Variants in KIRREL3 observed in about 807,000 individuals in gnomAD.
The protein encoded by KIRREL3 is kirre like nephrin family adhesion molecule 3, also known as kin of IRRE-like protein 3.
In KIRREL3, 36 loss-of-function variants were observed where a neutral mutation model predicts 89.7. The observed-to-expected ratio is 0.40, with a 90% CI of 0.31 to 0.53. The LOEUF is 0.53. Among genes scored for constraint, KIRREL3 ranks in the 20% least tolerant of loss-of-function variants. KIRREL3 has a pLI of 0.49. For synonymous variants in KIRREL3, 445 were observed against 441.4 expected (o/e 1.01, Z -0.10); for missense variants, 864 against 1,056.6 (o/e 0.82, Z 2.53).
chr11:126,746,180 C>T lies in KIRREL3; in HGVS notation c.56-183268G>A, dbSNP rs1467998320. 4.6e-5 allele frequency among the ~76,000 whole-genome samples: 7 copies of T among 152,248 alleles called. No individual in the cohort carries two copies. In the South Asian group the frequency reaches 1.0e-3, roughly 23 times the overall value. On this transcript the variant is annotated intron_variant, in intron 1 of 16. Transcript: ENST00000525144. ...CATTCCTTATTCTCTTTCACCTATC[C>T]GGCAATTTTGAAAAGAAATTTCTAT...
At chr11:126,863,501 G>GCGTGTGTGTT (rs1944799347) in intron 1 of KIRREL3, among the ~76,000 whole-genome samples, 1 of 148,346 alleles carries the variant, frequency 6.7e-6, no homozygotes. Context: ...GTGTGTGAGT[G>GCGTGTGTGTT]TGAGTGCGTG....
chr11:126,939,341 C>T (rs1380274700), intron 1 of KIRREL3, among the ~76,000 whole-genome samples: 1 of 152,164 alleles, frequency 6.6e-6, no homozygotes, highest in Non-Finnish European at 1.5e-5. Flanking sequence ...CTGTCCTCCC[C>T]CATCAAAGAC....
upstream of KIRREL3, among the ~76,000 whole-genome samples, chr11:127,002,143 T>A (rs1041047780): frequency 2.0e-5 from 3 of 152,214 alleles, no homozygotes; most frequent in African/African-American, 4.8e-5. Context: ...CCTTGGTATT[T>A]GTGAACAAGA....
At chr11:126,540,426 C>T (rs1365606251) in intron 2 of KIRREL3, among the ~76,000 whole-genome samples, 1 of 152,244 alleles carries the variant, frequency 6.6e-6, no homozygotes, top group Non-Finnish European at 1.5e-5. Context: ...TTCTCCCAGC[C>T]TCGCACTTCT....
At chr11:126,695,340 A>G (rs574418055) in intron 1 of KIRREL3, among the ~76,000 whole-genome samples, 28 of 144,258 alleles carry the variant, frequency 1.9e-4, no homozygotes, top group Non-Finnish European at 3.7e-4. Flanking sequence ...TTCCTGGCCC[A>G]GTGCTTTTCC....
chr11:126,468,668 C>G (rs569056022), intron 5 of KIRREL3, among the ~76,000 whole-genome samples: 1 of 152,356 alleles, frequency 6.6e-6, no homozygotes, highest in South Asian at 2.1e-4. Flanking sequence ...TGTATGACCC[C>G]TGGGGCAGGG....
chr11:126,429,963 C>T lies in KIRREL3; in HGVS notation c.1697-675G>A, dbSNP rs560924686. On this transcript the variant is annotated intron_variant, in intron 14 of 16. Transcript: ENST00000525144. This position sits in a 1 kb window ranked among gnomAD's most constrained non-coding sequence, Gnocchi z 5.2. ...CAGCCTGGCCAACATGGTGAAACCCCGTCTCTATTAAAAATCCAAAAATTA... is the reference window on the plus strand; with the variant it reads ...CAGCCTGGCCAACATGGTGAAACCCTGTCTCTATTAAAAATCCAAAAATTA... Among the ~76,000 whole-genome samples the T allele has an allele frequency of 1.3e-5, 2 of 151,024 alleles. No homozygotes were observed. The highest frequency in any genetic ancestry group is 2.1e-4 in the South Asian group (1 of 4,778).
Position 126,544,675 on chromosome 11 carries a change from G to A in KIRREL3, c.134-17988C>T, listed in dbSNP as rs893235723. On this transcript the variant is annotated intron_variant, in intron 2 of 16. Coordinates refer to ENST00000525144, the MANE Select transcript of KIRREL3 (RefSeq NM_032531.4). The surrounding 1 kb of genome is among the most constrained non-coding windows in gnomAD (Gnocchi z 5.6). ...CCTGTCATTTATTTACTCCCTCCAC[G>A]GGGCTGCTTTTTGTATCTGGGCCAG... Among the ~76,000 whole-genome samples the A allele has an allele frequency of 7.2e-5, 11 of 152,124 alleles. No homozygotes were observed. The highest frequency in any genetic ancestry group is 2.7e-4 in the African/African-American group (11 of 41,402).
At chr11:126,547,887 C>A (rs923348922) in intron 2 of KIRREL3, among the ~76,000 whole-genome samples, 8 of 152,194 alleles carry the variant, frequency 5.3e-5, no homozygotes, top group African/African-American at 1.9e-4. Flanking sequence ...GAAGGCCAGG[C>A]TTTGGCGTTC....
At chr11:126,659,770 G>T (rs1945310702) in intron 1 of KIRREL3, among the ~76,000 whole-genome samples, 1 of 152,198 alleles carries the variant, frequency 6.6e-6, no homozygotes, top group Non-Finnish European at 1.5e-5. Context: ...ACATGCCCCA[G>T]ACAACTGAAC....
chr11:126,811,982 A>G lies in KIRREL3; in HGVS notation c.55+188473T>C, dbSNP rs1371431188. 6.6e-6 allele frequency among the ~76,000 whole-genome samples: 1 copy of G among 152,180 alleles called. No homozygotes were observed. Among genetic ancestry groups the G allele is most frequent in the East Asian group, 1.9e-4 (1 of 5,192 alleles). ...AATTCAGCCCTCCCCGTCCCCCAGC[A>G]CTGGTATTGACATACTGCAGACCTT... On this transcript the variant is annotated intron_variant, in intron 1 of 16. Coordinates refer to ENST00000525144, the MANE Select transcript of KIRREL3 (RefSeq NM_032531.4). This position sits in a 1 kb window ranked among gnomAD's most constrained non-coding sequence, Gnocchi z 4.3.
chr11:126,594,584 C>T lies in KIRREL3; in HGVS notation c.56-31672G>A, dbSNP rs550596205. Among the ~76,000 whole-genome samples, 11 of 152,164 alleles carry T rather than the reference C, an allele frequency of 7.2e-5. No homozygotes were observed. The highest frequency in any genetic ancestry group is 1.3e-4 in the Admixed American group (2 of 15,280). ...GCCTTCAACTGCTGGAGGGTCTGGG[C>T]GGTCATTTATCCTTGCTGGGCCTCA... On this transcript the variant is annotated intron_variant, in intron 1 of 16. Coordinates refer to ENST00000525144, the MANE Select transcript of KIRREL3 (RefSeq NM_032531.4). The surrounding 1 kb of genome is among the most constrained non-coding windows in gnomAD (Gnocchi z 5.0).
At position 126,609,970 on chromosome 11, in the gene KIRREL3, A is replaced by G. The variant is rs1329990573; in HGVS notation, c.56-47058T>C. On this transcript the variant is annotated intron_variant, in intron 1 of 16. Transcript: ENST00000525144. The surrounding 1 kb of genome is among the most constrained non-coding windows in gnomAD (Gnocchi z 5.0). ...CAACCCAATGTTGTTGGAAGGTGCA[A>G]TGATCATCTTCCTTTTACAGATGAA... Among the ~76,000 whole-genome samples, 1 of 152,216 alleles carries G rather than the reference A, an allele frequency of 6.6e-6. No homozygotes were observed. Among genetic ancestry groups the G allele is most frequent in the African/African-American group, 2.4e-5 (1 of 41,450 alleles).
intron 1 of KIRREL3, among the ~76,000 whole-genome samples, chr11:126,625,430 C>A (rs1399084002): frequency 1.3e-5 from 2 of 152,198 alleles, no homozygotes; most frequent in East Asian, 1.9e-4. Flanking sequence ...CCAAACAAAT[C>A]TCATTTCAGT....
chr11:126,622,394 G>A lies in KIRREL3; in HGVS notation c.56-59482C>T, dbSNP rs1369406064. On this transcript the variant is annotated intron_variant, in intron 1 of 16. Transcript: ENST00000525144. The surrounding 1 kb of genome is among the most constrained non-coding windows in gnomAD (Gnocchi z 5.2). ...GGAGTCTGGAGGGAGGAGAGGAGTC[G>A]GTTCTGGCTTGTGAGCCATGGTGCT... Among the ~76,000 whole-genome samples, 3 of 152,168 alleles carry A rather than the reference G, an allele frequency of 2.0e-5. No homozygotes were observed. The highest frequency in any genetic ancestry group is 4.4e-5 in the Non-Finnish European group (3 of 68,034).
In KIRREL3 at chr11:126,501,112, C is replaced by T. The variant is rs1013589625; in HGVS notation, c.433+20203G>A. On this transcript the variant is annotated intron_variant, in intron 4 of 16. Coordinates refer to ENST00000525144, the MANE Select transcript of KIRREL3 (RefSeq NM_032531.4). The surrounding 1 kb of genome is among the most constrained non-coding windows in gnomAD (Gnocchi z 5.8). ...TCATTTCCTTGCTGTGAGCCTTGTG[C>T]GAGGCAGGATATCTCCAGTGCAAGG... Among the ~76,000 whole-genome samples the T allele has an allele frequency of 3.9e-5, 6 of 152,276 alleles. No homozygotes were observed. The highest frequency in any genetic ancestry group is 3.3e-4 in the Admixed American group (5 of 15,298).
At chr11:126,921,618 CTAT>C (rs758476610) in intron 1 of KIRREL3, among the ~76,000 whole-genome samples, 24,683 of 77,396 alleles carry the variant, frequency 0.32, 5,955 homozygotes, top group African/African-American at 0.59. Context: ...ATCTATCTAT[CTAT>C]CTTCCTATCT....
rs1356492796 is a variant in KIRREL3 at position 126,719,298 on chromosome 11, C to T, written c.56-156386G>A. Among the ~76,000 whole-genome samples, 2 of 152,216 alleles carry T rather than the reference C, an allele frequency of 1.3e-5. No homozygotes were observed. Among genetic ancestry groups the T allele is most frequent in the African/African-American group, 4.8e-5 (2 of 41,462 alleles). Reference sequence around the variant, plus strand: ...TTGTTGACACAAATGGCCAGCTCTTCTGTTTGAACGCCTTCTTCTCTTAGC... The same window carrying T: ...TTGTTGACACAAATGGCCAGCTCTTTTGTTTGAACGCCTTCTTCTCTTAGC... On this transcript the variant is annotated intron_variant, in intron 1 of 16. Coordinates refer to ENST00000525144, the MANE Select transcript of KIRREL3 (RefSeq NM_032531.4). This position sits in a 1 kb window ranked among gnomAD's most constrained non-coding sequence, Gnocchi z 4.7.
At chr11:126,711,557 G>A (rs1249078764) in intron 1 of KIRREL3, among the ~76,000 whole-genome samples, 2 of 152,066 alleles carry the variant, frequency 1.3e-5, no homozygotes, top group African/African-American at 2.4e-5. Flanking sequence ...GCAAGACTCC[G>A]TCTCAAAAAA....
Sources: allele counts gnomAD v4.1 joint callset (sites outside exome capture counted in the v4.1 genomes callset), GRCh38; gene constraint gnomAD v4.1.1; non-coding constraint Gnocchi (gnomAD v3.1); transcripts MANE v1.5; gene names NCBI Gene and HGNC (gene_info 2026-07-23, HGNC 2026-07-21).